Variants in SVIL observed in about 807,000 individuals in gnomAD.
The protein encoded by SVIL is archvillin.
A neutral mutation model predicts 240.4 loss-of-function variants in SVIL; 101 were observed. The ratio of observed to expected loss-of-function variants is 0.42; its 90% CI spans 0.36 to 0.50. SVIL has a LOEUF of 0.50. SVIL is among the 20% of genes least tolerant of loss of function. The pLI, the probability that SVIL is intolerant of heterozygous loss-of-function variation, is 0.01. For synonymous variants in SVIL, 999 were observed against 1,100.0 expected, an observed-to-expected ratio of 0.91 and a Z score of 1.82; for missense variants, 2,512 against 2,818.7, an observed-to-expected ratio of 0.89 and a Z score of 2.46.
At chr10:29,594,075 T>C (rs1481602357) in intron 1 of SVIL, among the ~76,000 whole-genome samples, 1 of 152,162 alleles carries the variant, frequency 6.6e-6, no homozygotes, top group South Asian at 2.1e-4. Flanking sequence ...CATGAGACAA[T>C]GACACTTTTG....
intron 1 of SVIL, among the ~76,000 whole-genome samples, chr10:29,575,007 T>C (rs186157913): frequency 1.3e-5 from 2 of 152,272 alleles, no homozygotes; most frequent in East Asian, 1.9e-4. Context: ...AAAGAAGCAA[T>C]TGATTATTAT....
chr10:29,523,604 C>T lies in SVIL; in HGVS notation c.3010G>A (p.Ala1004Thr), dbSNP rs374116755. The change falls in exon 15 of 38, where the codon GCG (alanine) becomes ACG (threonine). Residue 1004 changes from alanine (A) to threonine (T), a missense_variant. By Grantham distance (58) the Ala-to-Thr change is moderately conservative. Around this residue, in one of 3 missense-constraint regions of SVIL, gnomAD observed 1,443 missense variants for 1,486.6 expected, o/e 0.97. Transcript: ENST00000355867. Reference sequence around the variant, plus strand: ...CCGAGGTGGGTGATGGGAGGGTTCGCCCGTTCCAGGCTTCCTCTTCTGGGA... The same window carrying T: ...CCGAGGTGGGTGATGGGAGGGTTCGTCCGTTCCAGGCTTCCTCTTCTGGGA... ...AVPRRGSLER[A>T]NPPITHLGDE... 291 of 1,614,076 alleles carry T rather than the reference C, an allele frequency of 1.8e-4. No individual in the cohort carries two copies. Among genetic ancestry groups the T allele is most frequent in the Non-Finnish European group, 2.3e-4 (268 of 1,180,038 alleles).
Position 29,554,773 on chromosome 10 carries a change from C to T in SVIL, c.160+10G>A. 1 of 1,574,120 alleles carries T rather than the reference C, an allele frequency of 6.4e-7. No homozygotes were observed. The highest frequency in any genetic ancestry group is 8.6e-7 in the Non-Finnish European group (1 of 1,162,106). The stretch of plus-strand genomic sequence containing the variant: ...CTGCTGGAAAATGGGCCACCCAGCT[C>T]CACGCTCACCGATGTGGGGGCTGGC... On this transcript the variant is annotated intron_variant, in intron 5 of 37. Coordinates refer to ENST00000355867, the MANE Select transcript of SVIL (RefSeq NM_021738.3).
At chr10:29,511,654 T>C (rs540050106) in intron 17 of SVIL, among the ~76,000 whole-genome samples, 2 of 152,356 alleles carry the variant, frequency 1.3e-5, no homozygotes, top group South Asian at 2.1e-4. Flanking sequence ...TCTAAATATC[T>C]AGTTATATTT....
chr10:29,709,942 T>C (rs757625027), intron 1 of SVIL, among the ~76,000 whole-genome samples: 1 of 152,186 alleles, frequency 6.6e-6, no homozygotes, highest in Non-Finnish European at 1.5e-5. Context: ...CACGGAACCA[T>C]GCCCTGAGAT....
intron 36 of SVIL, among the ~76,000 whole-genome samples, chr10:29,461,035 C>T (rs991974023): frequency 1.2e-4 from 19 of 152,200 alleles, no homozygotes; most frequent in African/African-American, 4.6e-4. Flanking sequence ...CACATGGTTA[C>T]ATTTCTTCCC....
At position 29,551,130 on chromosome 10, in the gene SVIL, C is replaced by A. The variant is rs990008402; in HGVS notation, c.294G>T (p.Leu98=). The change falls in exon 6 of 38, where the codon CTG becomes CTT. Residue 98 remains leucine, a synonymous_variant. Coordinates refer to ENST00000355867, the MANE Select transcript of SVIL (RefSeq NM_021738.3). ...YGSGTMDTHS[L]ESKAERIARY... ...TTGCAATTCTTTCGGCTTTGGACTCCAGACTGTGGGTGTCCATGGTACCCG... is the reference window on the plus strand; with the variant it reads ...TTGCAATTCTTTCGGCTTTGGACTCAAGACTGTGGGTGTCCATGGTACCCG... 1.2e-6 allele frequency: 2 copies of A among 1,613,996 alleles called. No individual in the cohort carries two copies. The highest frequency in any genetic ancestry group is 1.7e-6 in the Non-Finnish European group (2 of 1,180,042).
Position 29,499,227 on chromosome 10 carries a change from C to G in SVIL, c.3553G>C (p.Glu1185Gln). Residue 1185 changes from glutamate (E) to glutamine (Q), a missense_variant, in exon 18 of 38, where the codon GAG (glutamate) becomes CAG (glutamine). By Grantham distance (29) the Glu-to-Gln change is conservative (BLOSUM62 2). Around this residue, in one of 3 missense-constraint regions of SVIL, gnomAD observed 272 missense variants for 406.8 expected, o/e 0.67. Transcript: ENST00000355867. ...ACAGTGATGAGCTGCTTCCTCTCCT[C>G]AATCGTCATTTGGCTCTCTCGACTT... is the stretch of plus-strand genomic sequence containing the variant. ...TESRESQMTI[E>Q]ERKQLITVRE... 1 of 1,614,234 alleles carries G rather than the reference C, an allele frequency of 6.2e-7. No individual in the cohort carries two copies. The highest frequency in any genetic ancestry group is 8.5e-7 in the Non-Finnish European group (1 of 1,180,038).
chr10:29,511,417 T>G (rs1392581306), intron 17 of SVIL, among the ~76,000 whole-genome samples: 1 of 138,588 alleles, frequency 7.2e-6, no homozygotes, highest in Non-Finnish European at 1.6e-5. Flanking sequence ...TCCAAAATGA[T>G]GGACAAGGGG....
At chr10:29,658,825 G>A (rs1247456) in intron 2 of SVIL, among the ~76,000 whole-genome samples, 26,859 of 152,116 alleles carry the variant, frequency 0.18, 2,560 homozygotes, top group South Asian at 0.35. Flanking sequence ...AGGGACAACT[G>A]AGAAAATAAG....
At chr10:29,715,909 T>C (rs1450626673) in intron 1 of SVIL, among the ~76,000 whole-genome samples, 3 of 152,196 alleles carry the variant, frequency 2.0e-5, no homozygotes, top group Non-Finnish European at 2.9e-5. Context: ...AGTTGGTGAG[T>C]GCAACTGAGG....
intron 6 of SVIL, among the ~76,000 whole-genome samples, chr10:29,548,550 G>A (rs1419354010): frequency 6.6e-6 from 1 of 152,174 alleles, no homozygotes; most frequent in Non-Finnish European, 1.5e-5. Flanking sequence ...CCAAATGGCA[G>A]CTGCTCTTAT....
At chr10:29,617,325 T>C (rs2132895518) in intron 1 of SVIL, among the ~76,000 whole-genome samples, 1 of 152,322 alleles carries the variant, frequency 6.6e-6, no homozygotes, top group Non-Finnish European at 1.5e-5. Flanking sequence ...CCCTGGTCAT[T>C]GCACAAGAGA....
chr10:29,625,477 T>G (rs1161380855), intron 1 of SVIL, among the ~76,000 whole-genome samples: 2 of 152,166 alleles, frequency 1.3e-5, no homozygotes, highest in East Asian at 3.9e-4. Flanking sequence ...TTTTTCCTTT[T>G]TTTTGAGACG....
chr10:29,599,508 C>T (rs1308464402), intron 1 of SVIL, among the ~76,000 whole-genome samples: 1 of 151,956 alleles, frequency 6.6e-6, no homozygotes, highest in Non-Finnish European at 1.5e-5. Context: ...CTCTGCTTCC[C>T]GGGTTCAAGT....
chr10:29,668,936 T>C (rs1417499838), intron 2 of SVIL, among the ~76,000 whole-genome samples: 1 of 152,214 alleles, frequency 6.6e-6, no homozygotes, highest in African/African-American at 2.4e-5. Flanking sequence ...CTAGAGTCAA[T>C]ACTCCTGGTT....
At chr10:29,650,536 T>A (rs189959340) in intron 3 of SVIL, among the ~76,000 whole-genome samples, 265 of 152,274 alleles carry the variant, frequency 1.7e-3, no homozygotes, top group African/African-American at 5.4e-3. Context: ...ATTACCACAT[T>A]TATTACCATA....
intron 17 of SVIL, among the ~76,000 whole-genome samples, chr10:29,501,554 A>C (rs1589008391): frequency 1.3e-5 from 2 of 152,140 alleles, no homozygotes; most frequent in African/African-American, 2.4e-5. Flanking sequence ...CTATAATGGA[A>C]ATTTTTCTGT....
chr10:29,480,164 G>T (rs3952847), intron 29 of SVIL, among the ~76,000 whole-genome samples: 2 of 152,212 alleles, frequency 1.3e-5, no homozygotes, highest in African/African-American at 4.8e-5. Context: ...AAGATATGCT[G>T]TACTTAACGA....
Sources: allele counts gnomAD v4.1 joint callset (sites outside exome capture counted in the v4.1 genomes callset), GRCh38; gene constraint gnomAD v4.1.1; regional missense constraint gnomAD v4.1.1; transcripts MANE v1.5; gene names NCBI Gene and HGNC (gene_info 2026-07-23, HGNC 2026-07-21).